The following ACBD3 variants were observed in gnomAD, a reference collection of about 807,000 sequenced individuals.
The protein encoded by ACBD3 is Golgi resident protein GCP60.
In ACBD3, 30 loss-of-function variants were observed where a neutral mutation model predicts 66.9. That is an observed-to-expected ratio of 0.45 (90% CI 0.34 to 0.61). The LOEUF (loss-of-function observed/expected upper bound fraction) is 0.61, where lower values mean the gene tolerates loss of function less well. Among genes scored for constraint, ACBD3 ranks in the 20% least tolerant of loss-of-function variants. ACBD3 has a pLI of 0.02. For synonymous variants in ACBD3, 278 were observed against 259.8 expected (o/e 1.07, Z -0.68); for missense variants, 544 against 664.5 (o/e 0.82, Z 1.99).
At chr1:226,167,430 T>C (rs1659896905) in intron 1 of ACBD3, among the ~76,000 whole-genome samples, 1 of 152,240 alleles carries the variant, frequency 6.6e-6, no homozygotes, top group Non-Finnish European at 1.5e-5. Context: ...TATTACTAAC[T>C]TATTAATGCT....
chr1:226,180,965 C>CT (rs906445873), intron 1 of ACBD3, among the ~76,000 whole-genome samples: 1 of 149,988 alleles, frequency 6.7e-6, no homozygotes, highest in African/African-American at 2.5e-5. Flanking sequence ...CGCCATTGCA[C>CT]TCCAGCCTCG....
rs1659452898 is a variant in ACBD3, at chr1:226,146,457, G to A, written c.*153C>T. 3.0e-6 allele frequency: 2 copies of A among 671,398 alleles called. No homozygotes were observed. Among genetic ancestry groups the A allele is most frequent in the South Asian group, 3.9e-5 (2 of 51,110 alleles). 41.6% of individuals were successfully genotyped at this position (671,398 alleles called of 1,614,324 possible). The stretch of plus-strand genomic sequence containing the variant: ...AGTATGAATGCTAAAGAGTCTCAAG[G>A]AAATTTTGATTCCCAGCAAGAGTTC... On this transcript the variant is annotated 3_prime_UTR_variant, in exon 8 of 8. Transcript: ENST00000366812.
At chr1:226,158,035 A>G (rs535841446) in intron 5 of ACBD3, among the ~76,000 whole-genome samples, 2 of 152,380 alleles carry the variant, frequency 1.3e-5, no homozygotes, top group Middle Eastern at 3.4e-3. Flanking sequence ...GAGAGAGAAT[A>G]AATCTCTCAA....
chr1:226,160,723 G>C (rs1022790106), intron 4 of ACBD3, among the ~76,000 whole-genome samples: 4 of 152,168 alleles, frequency 2.6e-5, no homozygotes, highest in Non-Finnish European at 5.9e-5. Flanking sequence ...AGTGTTTTAT[G>C]GGTGTTAATC....
chr1:226,177,959 G>A lies in ACBD3; in HGVS notation c.286+8431C>T, dbSNP rs192073238. Among the ~76,000 whole-genome samples the A allele has an allele frequency of 2.7e-4, 41 of 151,854 alleles. 1 individual carries two copies. Among genetic ancestry groups the A allele is most frequent in the African/African-American group, 8.9e-4 (37 of 41,400 alleles). ...GATGGAGTTTTCCCATATTGCGCAG[G>A]CTGGTCTGGAACTCCTGAGCTCAGT... On this transcript the variant is annotated intron_variant, in intron 1 of 7. Transcript: ENST00000366812.
intron 1 of ACBD3, among the ~76,000 whole-genome samples, chr1:226,184,949 C>T (rs1656260035): frequency 7.3e-6 from 1 of 137,664 alleles, no homozygotes; most frequent in African/African-American, 2.7e-5. Context: ...AGCAGGACTC[C>T]AGCTCAAAAA....
In ACBD3 at chr1:226,162,007, C is replaced by T. The variant is rs552151971; in HGVS notation, c.570-318G>A. ...CTCACAGCACTAAAAGCTTTTCCTT[C>T]ATAATACCTGCTGTCATTATAATTA... is the stretch of plus-strand genomic sequence containing the variant. On this transcript the variant is annotated intron_variant, in intron 3 of 7. Transcript: ENST00000366812. Among the ~76,000 whole-genome samples, 9 of 152,254 alleles carry T rather than the reference C, an allele frequency of 5.9e-5. No individual in the cohort carries two copies. In the East Asian group the frequency reaches 1.7e-3, roughly 29 times the overall value.
intron 1 of ACBD3, among the ~76,000 whole-genome samples, chr1:226,184,296 T>G (rs149278436): frequency 6.6e-6 from 1 of 152,264 alleles, no homozygotes; most frequent in Non-Finnish European, 1.5e-5. Context: ...TAGTGTCTCA[T>G]ATACTAACAG....
At chr1:226,169,309 G>A (rs1440839620) in intron 1 of ACBD3, among the ~76,000 whole-genome samples, 3 of 150,366 alleles carry the variant, frequency 2.0e-5, no homozygotes, top group Non-Finnish European at 4.5e-5. Flanking sequence ...GTGCCGTGGT[G>A]CGATCTCGGC....
rs1656329638 is a variant in ACBD3 at position 226,186,717 on chromosome 1, A to G, written c.-42T>C. On this transcript the variant is annotated 5_prime_UTR_variant, in exon 1 of 8. Transcript: ENST00000366812. ...TCCTCAGCGGGGACAGACGGCAGCC[A>G]CGTATCGACTTCCTGCTGACCTCTG... 7 of 1,439,090 alleles carry G rather than the reference A, an allele frequency of 4.9e-6. No individual in the cohort carries two copies. The highest frequency in any genetic ancestry group is 2.3e-4 in the Middle Eastern group (1 of 4,302). 89.1% of individuals were successfully genotyped at this position (1,439,090 alleles called of 1,614,324 possible). A position where few individuals can be genotyped will look rare whatever the true frequency, so the allele number is the denominator to read the frequency against.
intron 1 of ACBD3, among the ~76,000 whole-genome samples, chr1:226,173,406 C>T (rs1655909020): frequency 6.6e-6 from 1 of 152,060 alleles, no homozygotes; most frequent in African/African-American, 2.4e-5. Context: ...TAATCAAACA[C>T]ACATACACAT....
intron 3 of ACBD3, among the ~76,000 whole-genome samples, chr1:226,164,110 C>G (rs1344323544): frequency 1.0e-5 from 1 of 96,726 alleles, no homozygotes. Flanking sequence ...GAGCAAGACT[C>G]CATCTTAAAA....
chr1:226,173,564 T>A (rs1052324414), intron 1 of ACBD3, among the ~76,000 whole-genome samples: 1 of 151,736 alleles, frequency 6.6e-6, no homozygotes, highest in African/African-American at 2.4e-5. Flanking sequence ...GTTCACACAG[T>A]ACTGAAGTTC....
chr1:226,168,732 T>C (rs1164771093), intron 1 of ACBD3, among the ~76,000 whole-genome samples: 1 of 152,224 alleles, frequency 6.6e-6, no homozygotes, highest in Non-Finnish European at 1.5e-5. Flanking sequence ...AAAGTATATA[T>C]AGCACATACA....
chr1:226,157,985 G>A (rs1032647044), intron 5 of ACBD3, among the ~76,000 whole-genome samples: 2 of 152,212 alleles, frequency 1.3e-5, no homozygotes, highest in Non-Finnish European at 2.9e-5. Context: ...AAAGAAGCAG[G>A]AAAATGGAAG....
intron 1 of ACBD3, among the ~76,000 whole-genome samples, chr1:226,177,266 C>T (rs371636581): frequency 1.1e-4 from 16 of 150,176 alleles, no homozygotes; most frequent in African/African-American, 3.9e-4. Context: ...GGTGTGATCT[C>T]AGCTCACTGC....
intron 1 of ACBD3, among the ~76,000 whole-genome samples, 164 bp downstream of exon 1, chr1:226,186,226 G>A (rs1303372969): frequency 6.6e-6 from 1 of 152,216 alleles, no homozygotes; most frequent in Non-Finnish European, 1.5e-5. Flanking sequence ...CAAGCGGGTA[G>A]TGACAAACTT....
At chr1:226,148,034 C>G (rs983024118) in intron 7 of ACBD3, 1 of 152,080 alleles carries the variant, frequency 6.6e-6, no homozygotes, top group Non-Finnish European at 1.5e-5. Context: ...CTGAGTGATG[C>G]TTGTCAATGG....
chr1:226,146,304 T>C lies in ACBD3; in HGVS notation c.*306A>G, dbSNP rs1558121563. 2 of 274,784 alleles carry C rather than the reference T, an allele frequency of 7.3e-6. No homozygotes were observed. Among genetic ancestry groups the C allele is most frequent in the South Asian group, 4.6e-5 (1 of 21,742 alleles). 17.0% of individuals were successfully genotyped at this position (274,784 alleles called of 1,614,324 possible). A position where few individuals can be genotyped will look rare whatever the true frequency, so the allele number is the denominator to read the frequency against. ...AACCATCAGCCGGGTAAGGTCAACG[T>C]TGGGGTGTTTTATTTTGGAGACTTT... On this transcript the variant is annotated 3_prime_UTR_variant, in exon 8 of 8. Transcript: ENST00000366812.
Sources: allele counts gnomAD v4.1 joint callset (sites outside exome capture counted in the v4.1 genomes callset), GRCh38; gene constraint gnomAD v4.1.1; transcripts MANE v1.5; gene names NCBI Gene and HGNC (gene_info 2026-07-23, HGNC 2026-07-21).